Variants in ST8SIA4 observed in about 807,000 individuals in gnomAD.
ST8SIA4 encodes CMP-N-acetylneuraminate-poly-alpha-2,8-sialyltransferase.
Under a neutral mutation model 33.9 loss-of-function variants are expected in ST8SIA4, and 15 were observed. That is an observed-to-expected ratio of 0.44 (90% CI 0.30 to 0.68). The LOEUF is 0.68. ST8SIA4 is among the 30% of genes least tolerant of loss of function. ST8SIA4 has a pLI of 0.10. For synonymous variants in ST8SIA4, 171 were observed against 151.2 expected (o/e 1.13, Z -0.96); for missense variants, 321 against 428.0 (o/e 0.75, Z 2.21).
chr5:100,893,594 C>T (rs574934261), intron 2 of ST8SIA4, among the ~76,000 whole-genome samples: 1 of 152,072 alleles, frequency 6.6e-6, no homozygotes, highest in South Asian at 2.1e-4. Flanking sequence ...CTACCCTTCA[C>T]TTGAATATGT....
rs545480206 is a variant in ST8SIA4 at position 100,854,742 on chromosome 5, G to A, written c.797+1361C>T. Among the ~76,000 whole-genome samples the A allele has an allele frequency of 3.9e-5, 6 of 152,236 alleles. No individual in the cohort carries two copies. The South Asian group carries it at 1.2e-3, about 32-fold the overall frequency. The stretch of plus-strand genomic sequence containing the variant: ...TCAGGAACAAAACAAAAATACCTTA[G>A]CCCAGTTCCTATTACAGTATAAGAA... On this transcript the variant is annotated intron_variant, in intron 4 of 4. Transcript: ENST00000231461.
At chr5:100,882,599 G>A (rs763363635) in intron 3 of ST8SIA4, among the ~76,000 whole-genome samples, 2 of 152,234 alleles carry the variant, frequency 1.3e-5, no homozygotes, top group South Asian at 2.1e-4. Flanking sequence ...TCCAAGGCAT[G>A]TCAGAGGTCT....
At position 100,846,281 on chromosome 5, in the gene ST8SIA4, A is replaced by G. The variant is rs796626376; in HGVS notation, c.797+9822T>C. ...TCCCTGCTTGTTTGAATTGCTCTAG[A>G]GAACTAACTGAACCAAATTGCAATG... On this transcript the variant is annotated intron_variant, in intron 4 of 4. Transcript: ENST00000231461. Among the ~76,000 whole-genome samples, 19 of 152,020 alleles carry G rather than the reference A, an allele frequency of 1.2e-4. No homozygotes were observed. The South Asian group carries it at 2.1e-3, about 17-fold the overall frequency.
At chr5:100,893,772 G>C (rs1752722550) in intron 2 of ST8SIA4, among the ~76,000 whole-genome samples, 1 of 152,024 alleles carries the variant, frequency 6.6e-6, no homozygotes, top group South Asian at 2.1e-4. Flanking sequence ...AGATATACTA[G>C]TTAAACTATT....
chr5:100,816,491 T>A (rs1166637709), intron 4 of ST8SIA4: 2 of 523,964 alleles, frequency 3.8e-6, no homozygotes, highest in Non-Finnish European at 7.8e-6. Context: ...AGTATTACAT[T>A]GGTGCAAAAG....
At position 100,811,049 on chromosome 5, in the gene ST8SIA4, C is replaced by G. The variant is rs181783701; in HGVS notation, c.*798G>C. 5.3e-3 allele frequency: 804 copies of G among 152,200 alleles called. 9 individuals are homozygous for G. Among genetic ancestry groups the G allele is most frequent in the Non-Finnish European group, 9.0e-3 (613 of 68,188 alleles). The allele number at this position is 152,200 out of a possible 1,614,324, so 9.4% of individuals were successfully genotyped here. A position where few individuals can be genotyped will look rare whatever the true frequency, so the allele number is the denominator to read the frequency against. ...AAAATTAGCCAGGCGTGGTGGCAGG[C>G]GCCTGCAGTCCCAGCTACTCCGGAG... On this transcript the variant is annotated 3_prime_UTR_variant, in exon 5 of 5. Transcript: ENST00000231461.
intron 1 of ST8SIA4, among the ~76,000 whole-genome samples, chr5:100,898,861 T>G (rs765084838): frequency 2.6e-5 from 4 of 152,200 alleles, no homozygotes; most frequent in Admixed American, 6.5e-5. Flanking sequence ...ATATGTACTT[T>G]TAAAAGGAAA....
At chr5:100,864,435 C>T (rs1174455638) in intron 3 of ST8SIA4, among the ~76,000 whole-genome samples, 2 of 151,756 alleles carry the variant, frequency 1.3e-5, no homozygotes, top group African/African-American at 4.8e-5. Flanking sequence ...ATTAGCTGGG[C>T]ATGGTGGCGG....
chr5:100,812,236 TA>T, intron 4 of ST8SIA4, 107 bp from the exon 5 acceptor site: 1 of 849,416 alleles, frequency 1.2e-6, no homozygotes. Flanking sequence ...TCTTTATGAA[TA>T]ATATTTTAAA....
At chr5:100,816,382 A>C in intron 4 of ST8SIA4, 1 of 422,822 alleles carries the variant, frequency 2.4e-6, no homozygotes, top group East Asian at 7.4e-5. Context: ...TGTTATATTT[A>C]ACAACGTTGA....
chr5:100,878,982 G>C (rs953469386), intron 3 of ST8SIA4, among the ~76,000 whole-genome samples: 3 of 152,000 alleles, frequency 2.0e-5, no homozygotes, highest in Admixed American at 2.0e-4. Flanking sequence ...CTATAATCCC[G>C]TACCGCATGA....
At chr5:100,821,928 G>C (rs13357545) in intron 4 of ST8SIA4, among the ~76,000 whole-genome samples, 43,706 of 152,004 alleles carry the variant, frequency 0.29, 6,568 homozygotes, top group Non-Finnish European at 0.33. Context: ...CTCAGACAAG[G>C]GCTTTCCATG....
At position 100,829,725 on chromosome 5, in the gene ST8SIA4, C is replaced by T. The variant is rs1003445070; in HGVS notation, c.798-17596G>A. On this transcript the variant is annotated intron_variant, in intron 4 of 4. Transcript: ENST00000231461. ...GAGATCGAGACCATCCTGGCTAACA[C>T]GGTGAAACCCCGTCTCTACTAAAAA... Among the ~76,000 whole-genome samples the T allele has an allele frequency of 5.9e-5, 9 of 152,002 alleles. No individual in the cohort carries two copies. The East Asian group carries it at 1.2e-3, about 20-fold the overall frequency.
At chr5:100,898,800 A>G (rs1157802788) in intron 1 of ST8SIA4, among the ~76,000 whole-genome samples, 2 of 152,204 alleles carry the variant, frequency 1.3e-5, no homozygotes, top group Admixed American at 1.3e-4. Context: ...TGACTTTTGA[A>G]CAGCTGCACT....
chr5:100,853,825 T>C (rs1751753566), intron 4 of ST8SIA4, among the ~76,000 whole-genome samples: 1 of 152,224 alleles, frequency 6.6e-6, no homozygotes, highest in African/African-American at 2.4e-5. Flanking sequence ...GGTTTTGGTA[T>C]TGGATTGAGA....
chr5:100,868,488 TTC>T (rs1290126251), intron 3 of ST8SIA4, among the ~76,000 whole-genome samples: 1 of 152,056 alleles, frequency 6.6e-6, no homozygotes, highest in Non-Finnish European at 1.5e-5. Context: ...ACTTTATCAA[TTC>T]TCTGTTTCAG....
intron 3 of ST8SIA4, among the ~76,000 whole-genome samples, chr5:100,870,862 A>C (rs1752184344): frequency 6.6e-6 from 1 of 152,152 alleles, no homozygotes; most frequent in Admixed American, 6.6e-5. Flanking sequence ...CAATTTAATT[A>C]GTTTTATACA....
At chr5:100,864,574 C>CA (rs201029430) in intron 3 of ST8SIA4, among the ~76,000 whole-genome samples, 1,660 of 69,236 alleles carry the variant, frequency 0.024, 280 homozygotes, top group African/African-American at 0.058. Context: ...GACTCCGGCT[C>CA]AAAAAAAAAA....
At chr5:100,830,036 T>A (rs1175464403) in intron 4 of ST8SIA4, among the ~76,000 whole-genome samples, 1 of 152,240 alleles carries the variant, frequency 6.6e-6, no homozygotes. Flanking sequence ...TATTTATGTT[T>A]CATTTTTAAG....
Sources: gnomAD v4.1 joint callset for allele counts (sites outside exome capture counted in the v4.1 genomes callset) on GRCh38, gnomAD v4.1.1 for gene constraint, MANE v1.5 for transcripts, NCBI Gene and HGNC (gene_info 2026-07-23, HGNC 2026-07-21) for gene names.